The following RBFOX1 variants were observed in gnomAD, a reference collection of about 807,000 sequenced individuals.
RBFOX1 encodes RNA binding protein fox-1 homolog 1.
Under a neutral mutation model 57.7 loss-of-function variants are expected in RBFOX1, and 8 were observed. The observed-to-expected ratio is 0.14, with a 90% CI of 0.08 to 0.25. RBFOX1 has a LOEUF of 0.25. Among genes scored for constraint, RBFOX1 ranks in the 10% least tolerant of loss-of-function variants. RBFOX1 has a pLI of 1.00. For missense variants in RBFOX1, 611 were observed against 548.5 expected (o/e 1.11, Z -1.14); for synonymous variants, 326 against 222.4 (o/e 1.47, Z -4.15).
intron 2 of RBFOX1, 37 bp downstream of exon 2, chr16:6,317,094 T>G: frequency 6.7e-7 from 1 of 1,487,104 alleles, no homozygotes; most frequent in Non-Finnish European, 9.1e-7. Flanking sequence ...ATTCCATAAA[T>G]ACATCCATGT....
chr16:5,489,109 G>A (rs902576453), intron 2 of RBFOX1, among the ~76,000 whole-genome samples: 1 of 152,348 alleles, frequency 6.6e-6, no homozygotes, highest in South Asian at 2.1e-4. Context: ...GACGCTGCCT[G>A]TCCAGCTTTG....
chr16:5,322,048 G>C (rs1182492592), intron 1 of RBFOX1, among the ~76,000 whole-genome samples: 1 of 152,084 alleles, frequency 6.6e-6, no homozygotes, highest in African/African-American at 2.4e-5. Flanking sequence ...TGAGGCTTAG[G>C]GGGCTTTAGC....
chr16:6,484,305 G>A (rs1262661629), intron 2 of RBFOX1, among the ~76,000 whole-genome samples: 1 of 152,198 alleles, frequency 6.6e-6, no homozygotes, highest in Non-Finnish European at 1.5e-5. Context: ...GTGTGCAAAT[G>A]TGAGCATATG....
At chr16:6,262,416 C>A (rs1296439691) in intron 1 of RBFOX1, among the ~76,000 whole-genome samples, 4 of 151,940 alleles carry the variant, frequency 2.6e-5, no homozygotes, top group African/African-American at 4.8e-5. Context: ...GTGTGCCCTG[C>A]TGAAGAATTG....
intron 1 of RBFOX1, among the ~76,000 whole-genome samples, chr16:6,144,033 C>T (rs1229839668): frequency 6.6e-6 from 1 of 151,224 alleles, no homozygotes; most frequent in African/African-American, 2.4e-5. Flanking sequence ...TCCTGGCCTC[C>T]AGTGATCCTC....
intron 3 of RBFOX1, among the ~76,000 whole-genome samples, chr16:6,680,391 T>G (rs2058470094): frequency 6.7e-6 from 1 of 149,884 alleles, no homozygotes; most frequent in African/African-American, 2.5e-5. Context: ...GCCTCCCGAG[T>G]AGCTGGGACT....
chr16:7,448,324 C>A (rs750516849), intron 4 of RBFOX1, among the ~76,000 whole-genome samples: 1 of 152,128 alleles, frequency 6.6e-6, no homozygotes, highest in Non-Finnish European at 1.5e-5. Flanking sequence ...AAAGACATAC[C>A]TGAAACTGGA....
At chr16:6,424,056 G>A (rs1461762629) in intron 2 of RBFOX1, among the ~76,000 whole-genome samples, 2 of 152,112 alleles carry the variant, frequency 1.3e-5, no homozygotes, top group Non-Finnish European at 2.9e-5. Flanking sequence ...TGGCCAACAT[G>A]GTGAAAACCC....
chr16:6,262,398 G>T (rs993134245), intron 1 of RBFOX1, among the ~76,000 whole-genome samples: 1 of 152,088 alleles, frequency 6.6e-6, no homozygotes, highest in Non-Finnish European at 1.5e-5. Context: ...GGCGGTGGGG[G>T]GTGGTGAGTG....
intron 1 of RBFOX1, among the ~76,000 whole-genome samples, chr16:5,419,976 C>G (rs990331112): frequency 6.6e-6 from 1 of 152,088 alleles, no homozygotes; most frequent in African/African-American, 2.4e-5. Context: ...TCTGCAGATA[C>G]CAGCCCAGCT....
chr16:7,542,154 T>C (rs1341846329), intron 5 of RBFOX1, among the ~76,000 whole-genome samples: 1 of 152,174 alleles, frequency 6.6e-6, no homozygotes, highest in Non-Finnish European at 1.5e-5. Context: ...CAGAACATTC[T>C]GAACGGACTA....
At position 5,341,083 on chromosome 16, in the gene RBFOX1, G is replaced by A. The variant is rs577950259; in HGVS notation, c.219+100978G>A. ...AGAGACTAGCCAGTGCAGCAGCCTT[G>A]AGGCAGGAACAAGCTTGGTGAATTT... On this transcript the variant is annotated intron_variant, in intron 1 of 2. Coordinates refer to the RBFOX1 transcript ENST00000585867. 1.2e-4 allele frequency among the ~76,000 whole-genome samples: 18 copies of A among 152,242 alleles called. No homozygotes were observed. The South Asian group carries it at 3.5e-3, about 30-fold the overall frequency.
intron 4 of RBFOX1, among the ~76,000 whole-genome samples, chr16:7,239,313 A>T (rs573468905): frequency 4.6e-5 from 7 of 152,258 alleles, no homozygotes; most frequent in African/African-American, 1.7e-4. Flanking sequence ...AGCCTGGACA[A>T]CATGGTGAAA....
At chr16:6,854,277 G>T (rs2057384874) in intron 3 of RBFOX1, among the ~76,000 whole-genome samples, 1 of 152,162 alleles carries the variant, frequency 6.6e-6, no homozygotes, top group Admixed American at 6.5e-5. Flanking sequence ...GTTAGAGAAT[G>T]TAAGGAAAGA....
chr16:7,061,230 T>A (rs561719533), intron 4 of RBFOX1, among the ~76,000 whole-genome samples: 1 of 152,132 alleles, frequency 6.6e-6, no homozygotes, highest in South Asian at 2.1e-4. Flanking sequence ...TCTAGTAAAA[T>A]AAGAAACTCA....
intron 1 of RBFOX1, among the ~76,000 whole-genome samples, chr16:6,217,358 A>C (rs1338997912): frequency 6.6e-6 from 1 of 152,014 alleles, no homozygotes; most frequent in Non-Finnish European, 1.5e-5. Flanking sequence ...GAAAAGAGGG[A>C]AGCTGAAAAA....
chr16:6,499,739 C>A (rs1238323977), intron 2 of RBFOX1, among the ~76,000 whole-genome samples: 1 of 152,016 alleles, frequency 6.6e-6, no homozygotes, highest in Non-Finnish European at 1.5e-5. Flanking sequence ...TCTCGTAGGG[C>A]AAACTATAAT....
At chr16:6,723,305 T>A (rs1016968667) in intron 3 of RBFOX1, among the ~76,000 whole-genome samples, 1 of 152,180 alleles carries the variant, frequency 6.6e-6, no homozygotes, top group Non-Finnish European at 1.5e-5. Flanking sequence ...AGGCACCTAC[T>A]GTATCAGAGT....
At chr16:6,568,141 C>G (rs1196767865) in intron 2 of RBFOX1, among the ~76,000 whole-genome samples, 1 of 152,158 alleles carries the variant, frequency 6.6e-6, no homozygotes, top group Non-Finnish European at 1.5e-5. Context: ...TAACAAATTA[C>G]TCCCAAAGTT....
Sources: gnomAD v4.1 joint callset for allele counts (sites outside exome capture counted in the v4.1 genomes callset) on GRCh38, gnomAD v4.1.1 for gene constraint, MANE v1.5 for transcripts, NCBI Gene and HGNC (gene_info 2026-07-23, HGNC 2026-07-21) for gene names.